The following SCHIP1 variants were observed in gnomAD, a reference collection of about 807,000 sequenced individuals.
SCHIP1 encodes schwannomin interacting protein 1.
In SCHIP1, 8 loss-of-function variants were observed where a neutral mutation model predicts 29.7. That is an observed-to-expected ratio of 0.27 (90% confidence interval 0.16 to 0.49). The LOEUF is 0.49. Among genes scored for constraint, SCHIP1 ranks in the 20% least tolerant of loss-of-function variants. The pLI is 0.99. For synonymous variants in SCHIP1, 76 were observed against 94.9 expected, an observed-to-expected ratio of 0.80 and a Z score of 1.16; for missense variants, 193 against 294.6, an observed-to-expected ratio of 0.66 and a Z score of 2.52.
At chr3:159,661,086 TA>T in the SCHIP1 span, among the ~76,000 whole-genome samples, 1 of 152,200 alleles carries the variant, frequency 6.6e-6, no homozygotes, top group East Asian at 1.9e-4. Flanking sequence ...GGAACTTGAT[TA>T]TCATATGCTG....
intron 6 of SCHIP1, 170 bp downstream of exon 7, chr3:159,892,360 C>A: frequency 1.4e-6 from 1 of 715,686 alleles, no homozygotes; most frequent in Non-Finnish European, 2.3e-6. Flanking sequence ...ATTCCATTGT[C>A]CTTACCAAAT....
chr3:159,412,544 C>T, the SCHIP1 span, among the ~76,000 whole-genome samples: 1 of 152,058 alleles, frequency 6.6e-6, no homozygotes, highest in East Asian at 1.9e-4. Flanking sequence ...TGCAGGGTAA[C>T]CATTGTGATA....
the SCHIP1 span, among the ~76,000 whole-genome samples, chr3:159,417,755 T>C: frequency 1.3e-5 from 2 of 152,340 alleles, no homozygotes; most frequent in Non-Finnish European, 2.9e-5. Context: ...GTCAAATGCT[T>C]TGGCTAATGG....
At chr3:159,895,118 G>A (rs535829453) in intron 6 of SCHIP1, among the ~76,000 whole-genome samples, 5 of 152,310 alleles carry the variant, frequency 3.3e-5, no homozygotes, top group South Asian at 2.1e-4. Flanking sequence ...AGTTAGTCAC[G>A]AAAATGTTTG....
the SCHIP1 span, among the ~76,000 whole-genome samples, chr3:159,766,443 C>T: frequency 5.7e-4 from 87 of 152,230 alleles, 2 homozygotes; most frequent in African/African-American, 1.7e-3. Context: ...CATTAACAGA[C>T]GTGGAATCTT....
the SCHIP1 span, among the ~76,000 whole-genome samples, chr3:159,733,516 TG>T: frequency 6.6e-6 from 1 of 152,172 alleles, no homozygotes; most frequent in Non-Finnish European, 1.5e-5. Flanking sequence ...TTACAGGGCT[TG>T]GGGTCCTCTT....
At chr3:159,823,857 C>G in the SCHIP1 span, among the ~76,000 whole-genome samples, 1 of 152,118 alleles carries the variant, frequency 6.6e-6, no homozygotes, top group Non-Finnish European at 1.5e-5. Context: ...AACAATGGTT[C>G]CCCATTTTCA....
At chr3:159,463,269 T>G in the SCHIP1 span, among the ~76,000 whole-genome samples, 6 of 152,146 alleles carry the variant, frequency 3.9e-5, no homozygotes. Flanking sequence ...GTGCATGTAT[T>G]TGCAGAGCTT....
the SCHIP1 span, among the ~76,000 whole-genome samples, chr3:159,702,824 T>C: frequency 6.6e-6 from 1 of 152,220 alleles, no homozygotes; most frequent in Non-Finnish European, 1.5e-5. Context: ...ATTTCAAAAC[T>C]TTAAAATATT....
At chr3:159,435,588 T>C in the SCHIP1 span, among the ~76,000 whole-genome samples, 3 of 152,182 alleles carry the variant, frequency 2.0e-5, no homozygotes, top group Non-Finnish European at 2.9e-5. Flanking sequence ...GTGAAGAACT[T>C]TGCCTTTGGC....
chr3:159,892,396 C>G lies in SCHIP1; in HGVS notation c.683+206C>G, dbSNP rs923975034. 2.4e-5 allele frequency: 15 copies of G among 620,446 alleles called. 1 individual carries two copies. Among genetic ancestry groups the G allele is most frequent in the Non-Finnish European group, 3.4e-5 (12 of 353,702 alleles). The allele number at this position is 620,446 out of a possible 1,614,324, so 38.4% of individuals were successfully genotyped here. On this transcript the variant is annotated intron_variant, in intron 6 of 6. Transcript: ENST00000445224. ...GCATGCTTTTTAGCAACCATCCCCC[C>G]CTTGTGATGAATTGTCAGTGCATTA...
chr3:159,521,164 AT>A, the SCHIP1 span, among the ~76,000 whole-genome samples: 1 of 152,200 alleles, frequency 6.6e-6, no homozygotes, highest in Non-Finnish European at 1.5e-5. Context: ...GCTGAGCTGA[AT>A]CTACAAAGTG....
At chr3:159,384,441 G>A in the SCHIP1 span, among the ~76,000 whole-genome samples, 1 of 148,478 alleles carries the variant, frequency 6.7e-6, no homozygotes, top group Admixed American at 6.8e-5. Flanking sequence ...AACCAGCCTT[G>A]CATCCCAGGG....
At chr3:159,508,915 A>G in the SCHIP1 span, among the ~76,000 whole-genome samples, 2 of 152,272 alleles carry the variant, frequency 1.3e-5, no homozygotes, top group South Asian at 2.1e-4. Context: ...GAATAAGTGC[A>G]GTGTGGTGCT....
chr3:159,333,921 ATTCTAAG>A, the SCHIP1 span, among the ~76,000 whole-genome samples: 4 of 152,166 alleles, frequency 2.6e-5, no homozygotes, highest in African/African-American at 9.7e-5. Flanking sequence ...CAAATATTTA[ATTCTAAG>A]TTCTAAGAAT....
the SCHIP1 span, among the ~76,000 whole-genome samples, chr3:159,628,355 C>T: frequency 2.0e-5 from 3 of 152,288 alleles, no homozygotes; most frequent in East Asian, 1.9e-4. Context: ...TCATCCAGAG[C>T]ATCTTCAATA....
chr3:159,523,271 G>C, the SCHIP1 span, among the ~76,000 whole-genome samples: 1 of 152,186 alleles, frequency 6.6e-6, no homozygotes, highest in Non-Finnish European at 1.5e-5. Context: ...CAAACTTCCA[G>C]TTGTCTTATA....
the SCHIP1 span, among the ~76,000 whole-genome samples, chr3:159,392,046 A>G: frequency 6.6e-6 from 1 of 152,186 alleles, no homozygotes; most frequent in African/African-American, 2.4e-5. Context: ...TGGAGGGAAA[A>G]GAGAAAGGTC....
At chr3:159,780,630 G>T in the SCHIP1 span, among the ~76,000 whole-genome samples, 3 of 152,158 alleles carry the variant, frequency 2.0e-5, no homozygotes, top group Admixed American at 6.5e-5. Context: ...TGCCAAGTTG[G>T]CATCCTACAT....
Sources: allele counts gnomAD v4.1 joint callset (sites outside exome capture counted in the v4.1 genomes callset), GRCh38; gene constraint gnomAD v4.1.1; transcripts MANE v1.5; gene names NCBI Gene and HGNC (gene_info 2026-07-23, HGNC 2026-07-21).